RNASEH1: variants seen among roughly 807,000 people sequenced by gnomAD.
The protein encoded by RNASEH1 is ribonuclease H1.
A neutral mutation model predicts 34.6 loss-of-function variants in RNASEH1; 27 were observed. That is an observed-to-expected ratio of 0.78 (90% confidence interval 0.58 to 1.08). RNASEH1 has a LOEUF of 1.08. Ranked by LOEUF, RNASEH1 falls within the 50% of genes least tolerant of loss-of-function variation. RNASEH1 has a pLI of 0.00. For synonymous variants in RNASEH1, 162 were observed against 138.4 expected, an observed-to-expected ratio of 1.17 and a Z score of -1.20; for missense variants, 349 against 373.6, an observed-to-expected ratio of 0.93 and a Z score of 0.54.
chr2:3,557,414 A>G (rs955196789), intron 1 of RNASEH1, among the ~76,000 whole-genome samples: 5 of 152,222 alleles, frequency 3.3e-5, no homozygotes, highest in African/African-American at 4.8e-5. Context: ...CTCAAAGCAT[A>G]ACAAAATACT....
downstream of RNASEH1, among the ~76,000 whole-genome samples, chr2:3,536,448 C>T (rs1473957486): frequency 2.6e-5 from 4 of 152,218 alleles, no homozygotes; most frequent in Non-Finnish European, 5.9e-5. Flanking sequence ...AGGCTCTGAC[C>T]TTGGGCTCTG....
chr2:3,532,716 C>A, the RNASEH1 span, among the ~76,000 whole-genome samples: 1 of 152,178 alleles, frequency 6.6e-6, no homozygotes, highest in African/African-American at 2.4e-5. Context: ...TGCAGTGCAT[C>A]ATTGACAGAA....
rs946216137 is a variant in RNASEH1, at chr2:3,541,715, G to A, written c.*4070C>T. On this transcript the variant is annotated 3_prime_UTR_variant, in exon 8 of 8. Transcript: ENST00000315212. ...GTGGTTGCCTGAACATGGAGGACAC[G>A]AGGGACGGTTTAGACCGGGGTGTGA... is the stretch of plus-strand genomic sequence containing the variant. 6.6e-6 allele frequency among the ~76,000 whole-genome samples: 1 copy of A among 152,366 alleles called. No individual in the cohort carries two copies. Among genetic ancestry groups the A allele is most frequent in the Non-Finnish European group, 1.5e-5 (1 of 68,034 alleles).
In RNASEH1 at chr2:3,544,234, G is replaced by A. The variant is rs1668541357; in HGVS notation, c.*1551C>T. On this transcript the variant is annotated 3_prime_UTR_variant, in exon 8 of 8. Transcript: ENST00000315212. Reference sequence around the variant, plus strand: ...ACTTTCCTGAGGAAAGCTCCTAACCGCCTGTTCTCCTGCCAAAGGGATCAA... The same window carrying A: ...ACTTTCCTGAGGAAAGCTCCTAACCACCTGTTCTCCTGCCAAAGGGATCAA... 3.3e-5 allele frequency among the ~76,000 whole-genome samples: 5 copies of A among 152,050 alleles called. No individual in the cohort carries two copies. In the South Asian group the frequency reaches 6.2e-4, roughly 19 times the overall value.
chr2:3,547,070 A>T (rs146934544), intron 7 of RNASEH1, among the ~76,000 whole-genome samples: 2 of 152,202 alleles, frequency 1.3e-5, no homozygotes, highest in Non-Finnish European at 2.9e-5. Context: ...TTGCAATGAG[A>T]TCACGCCATA....
chr2:3,545,936 T>C, intron 7 of RNASEH1, 65 bp from the exon 8 acceptor site: 7 of 1,188,300 alleles, frequency 5.9e-6, no homozygotes, highest in South Asian at 1.2e-5. Flanking sequence ...ATGACTATAT[T>C]GTCATCATAA....
At chr2:3,539,381 C>T (rs4072374), downstream of RNASEH1, among the ~76,000 whole-genome samples, 25,310 of 152,118 alleles carry the variant, frequency 0.17, 2,322 homozygotes, top group Admixed American at 0.24. Context: ...GGCGGCTTCC[C>T]GTATCACCAA....
rs374571622 is a variant in RNASEH1, at chr2:3,545,122, G to C, written c.*663C>G. 1.4e-5 allele frequency: 2 copies of C among 147,792 alleles called. No homozygotes were observed. The highest frequency in any genetic ancestry group is 3.0e-5 in the Non-Finnish European group (2 of 67,334). The allele number at this position is 147,792 out of a possible 1,614,324, so 9.2% of individuals were successfully genotyped here. On this transcript the variant is annotated 3_prime_UTR_variant, in exon 8 of 8. Transcript: ENST00000315212. Reference sequence around the variant, plus strand: ...TTTTTTAATTTGCACAGTTTTTAACGAAAGAGCCAAATAAATTTTTGAAAG... The same window carrying C: ...TTTTTTAATTTGCACAGTTTTTAACCAAAGAGCCAAATAAATTTTTGAAAG...
downstream of RNASEH1, among the ~76,000 whole-genome samples, chr2:3,537,450 C>G (rs1027005557): frequency 3.9e-5 from 6 of 152,210 alleles, no homozygotes; most frequent in African/African-American, 1.4e-4. Context: ...AGGCTAGGCA[C>G]AGTGGCTCAT....
downstream of RNASEH1, among the ~76,000 whole-genome samples, chr2:3,540,524 T>G (rs1411331155): frequency 6.6e-6 from 1 of 152,218 alleles, no homozygotes; most frequent in African/African-American, 2.4e-5. Context: ...TTCTCCTGCC[T>G]CAGCCTCCCG....
downstream of RNASEH1, among the ~76,000 whole-genome samples, chr2:3,540,581 G>C (rs1668241597): frequency 2.0e-5 from 3 of 152,132 alleles, no homozygotes; most frequent in Admixed American, 2.0e-4. Flanking sequence ...GGTAATTTTT[G>C]TATTTTTAGT....
chr2:3,555,577 G>A (rs534855064), intron 2 of RNASEH1, among the ~76,000 whole-genome samples: 43 of 152,282 alleles, frequency 2.8e-4, no homozygotes, highest in African/African-American at 9.1e-4. Flanking sequence ...ATGATTCGAA[G>A]GAGCAGTTGT....
At position 3,545,589 on chromosome 2, in the gene RNASEH1, G is replaced by T. The variant is rs1386805992; in HGVS notation, c.*196C>A. On this transcript the variant is annotated 3_prime_UTR_variant, in exon 8 of 8. Coordinates refer to ENST00000315212, the MANE Select transcript of RNASEH1 (RefSeq NM_002936.6). ...TCTCACATAATTCTCCAATCTCAAA[G>T]ATGTTCAATTTATTATATACTTAAC... is the stretch of plus-strand genomic sequence containing the variant. The T allele has an allele frequency of 3.5e-6, 2 of 572,524 alleles. No individual in the cohort carries two copies. The highest frequency in any genetic ancestry group is 2.3e-5 in the South Asian group (1 of 43,496). The allele number at this position is 572,524 out of a possible 1,614,324, so 35.5% of individuals were successfully genotyped here. A position where few individuals can be genotyped will look rare whatever the true frequency, so the allele number is the denominator to read the frequency against.
At position 3,541,690 on chromosome 2, in the gene RNASEH1, G is replaced by C. The variant is rs1366373745; in HGVS notation, c.*4095C>G. On this transcript the variant is annotated 3_prime_UTR_variant, in exon 8 of 8. Coordinates refer to ENST00000315212, the MANE Select transcript of RNASEH1 (RefSeq NM_002936.6). ...ACCTTTAGTGAGAGGGAGCAGACCA[G>C]TGGTTGCCTGAACATGGAGGACACG... is the stretch of plus-strand genomic sequence containing the variant. Among the ~76,000 whole-genome samples the C allele has an allele frequency of 1.3e-5, 2 of 152,244 alleles. No individual in the cohort carries two copies. The highest frequency in any genetic ancestry group is 2.9e-5 in the Non-Finnish European group (2 of 68,038).
At chr2:3,551,841 A>G (rs1368883808) in intron 3 of RNASEH1, among the ~76,000 whole-genome samples, 1 of 152,248 alleles carries the variant, frequency 6.6e-6, no homozygotes, top group African/African-American at 2.4e-5. Context: ...GTGTTATTTG[A>G]AAAAGCTGGA....
At chr2:3,552,021 T>C (rs1659971786) in intron 3 of RNASEH1, 123 bp downstream of exon 3, 1 of 733,592 alleles carries the variant, frequency 1.4e-6, no homozygotes, top group Non-Finnish European at 2.2e-6. Flanking sequence ...AAATAATCTT[T>C]ACACATAAGA....
At chr2:3,552,431 G>A (rs944316244) in intron 2 of RNASEH1, 123 bp from the exon 3 acceptor site, 15 of 854,180 alleles carry the variant, frequency 1.8e-5, no homozygotes, top group Non-Finnish European at 2.3e-5. Context: ...CCCTCTCTAT[G>A]TGGCCCTACA....
rs1479426353 is a variant in RNASEH1, at chr2:3,553,369, AG to A, written c.245-1062del. Among the ~76,000 whole-genome samples, 11 of 151,920 alleles carry A rather than the reference AG, an allele frequency of 7.2e-5. No homozygotes were observed. In the East Asian group the frequency reaches 1.9e-3, roughly 27 times the overall value. On this transcript the variant is annotated intron_variant, in intron 2 of 7. Coordinates refer to ENST00000315212, the MANE Select transcript of RNASEH1 (RefSeq NM_002936.6). ...TTCTTCTGCAACGAAGTTTTTCTTC[AG>A]GGGGACCTCAAGGTTAATCCCAAAT... is the stretch of plus-strand genomic sequence containing the variant.
chr2:3,546,984 G>A (rs749191103), intron 7 of RNASEH1, among the ~76,000 whole-genome samples: 13 of 152,238 alleles, frequency 8.5e-5, no homozygotes, highest in African/African-American at 1.2e-4. Flanking sequence ...TTAGCCAGGC[G>A]TGGTGGCATA....
Sources: gnomAD v4.1 joint callset for allele counts (sites outside exome capture counted in the v4.1 genomes callset) on GRCh38, gnomAD v4.1.1 for gene constraint, MANE v1.5 for transcripts, NCBI Gene and HGNC (gene_info 2026-07-23, HGNC 2026-07-21) for gene names.